NEMP1: variants seen among roughly 807,000 people sequenced by gnomAD.
NEMP1 encodes nuclear envelope integral membrane protein 1.
Under a neutral mutation model 53.7 loss-of-function variants are expected in NEMP1, and 29 were observed. The observed-to-expected ratio is 0.54, with a 90% CI of 0.40 to 0.74. The LOEUF (loss-of-function observed/expected upper bound fraction) is 0.74, where lower values mean the gene tolerates loss of function less well. NEMP1 is among the 30% of genes least tolerant of loss of function. The pLI, the probability that NEMP1 is intolerant of heterozygous loss-of-function variation, is 0.00. For synonymous variants in NEMP1, 193 were observed against 192.9 expected, an observed-to-expected ratio of 1.00 and a Z score of 0.00; for missense variants, 477 against 528.6, an observed-to-expected ratio of 0.90 and a Z score of 0.96.
intron 1 of NEMP1, among the ~76,000 whole-genome samples, chr12:57,086,832 T>C (rs895619027): frequency 5.9e-5 from 9 of 152,142 alleles, no homozygotes; most frequent in East Asian, 1.9e-4. Context: ...CAAGTGGATA[T>C]AAAGAAACAT....
chr12:57,069,978 C>T (rs1413349549), intron 3 of NEMP1, among the ~76,000 whole-genome samples: 1 of 151,910 alleles, frequency 6.6e-6, no homozygotes, highest in Admixed American at 6.6e-5. Context: ...AACCAAAGAA[C>T]CCTAGGACAA....
At chr12:57,075,650 C>A (rs1017217510) in intron 1 of NEMP1, among the ~76,000 whole-genome samples, 32 of 150,608 alleles carry the variant, frequency 2.1e-4, no homozygotes, top group African/African-American at 7.5e-4. Context: ...ATGATGAAAC[C>A]CCATCTCTAC....
intron 1 of NEMP1, among the ~76,000 whole-genome samples, chr12:57,074,074 T>A (rs575287533): frequency 4.6e-5 from 7 of 151,584 alleles, no homozygotes; most frequent in African/African-American, 1.7e-4. Flanking sequence ...GCTCAAACAA[T>A]CCTCCCACTT....
Position 57,070,725 on chromosome 12 carries a change from T to C in NEMP1, c.421A>G (p.Lys141Glu), listed in dbSNP as rs1163669378. 1.9e-6 allele frequency: 3 copies of C among 1,569,004 alleles called. No homozygotes were observed. The African/African-American group carries it at 4.1e-5, about 21-fold the overall frequency. The change falls in exon 3 of 9, where the codon AAA becomes GAA. Residue 141 changes from lysine (K) to glutamate (E), a missense_variant. Transcript: ENST00000300128. ...VGLYSTKTCL[K>E]VEIIEKDTKY... is the part of the protein sequence containing the mutation. Reference sequence around the variant, plus strand: ...GTGTCCTTCTCTATAATCTCAACTTTGAGGCAGGTTTTTGTGCTGTATAGA... The same window carrying C: ...GTGTCCTTCTCTATAATCTCAACTTCGAGGCAGGTTTTTGTGCTGTATAGA...
rs2031700168 is a variant in NEMP1 at position 57,059,669 on chromosome 12, G to A, written c.*210C>T. 1 of 489,122 alleles carries A rather than the reference G, an allele frequency of 2.0e-6. No homozygotes were observed. The highest frequency in any genetic ancestry group is 3.6e-6 in the Non-Finnish European group (1 of 274,320). The allele number at this position is 489,122 out of a possible 1,614,324, so 30.3% of individuals were successfully genotyped here. On this transcript the variant is annotated 3_prime_UTR_variant, in exon 9 of 9. Coordinates refer to ENST00000300128, the MANE Select transcript of NEMP1 (RefSeq NM_001130963.2). ...TAACCAATGGGAAGTGAACTACCCA[G>A]CATTCACTACTTTATCCACTCTCCT...
chr12:57,071,599 G>A (rs1233362457), intron 2 of NEMP1, among the ~76,000 whole-genome samples: 1 of 152,068 alleles, frequency 6.6e-6, no homozygotes, highest in African/African-American at 2.4e-5. Flanking sequence ...GGCTGGTCTC[G>A]AACTCCTGAC....
chr12:57,065,727 C>A (rs1443002674), intron 4 of NEMP1, among the ~76,000 whole-genome samples: 4 of 151,776 alleles, frequency 2.6e-5, no homozygotes, highest in African/African-American at 9.7e-5. Flanking sequence ...CTCGAACTCC[C>A]TGGGCTCAAG....
Position 57,070,696 on chromosome 12 carries a change from C to T in NEMP1, c.450G>A (p.Lys150=), listed in dbSNP as rs1384415393. The change falls in exon 3 of 9, where the codon AAG becomes AAA. Residue 150 remains lysine, a synonymous_variant. Transcript: ENST00000300128. ...TACTCCGGATCACAATGACACTGTA[C>T]TTGGTGTCCTTCTCTATAATCTCAA... ...LKVEIIEKDT[K]YSVIVIRRFD... 4.5e-6 allele frequency: 7 copies of T among 1,554,434 alleles called. No individual in the cohort carries two copies. The highest frequency in any genetic ancestry group is 1.4e-5 in the African/African-American group (1 of 73,070).
Position 57,056,383 on chromosome 12 carries a change from A to T in NEMP1, c.*3496T>A, listed in dbSNP as rs1012310456. On this transcript the variant is annotated 3_prime_UTR_variant, in exon 9 of 9. Transcript: ENST00000300128. ...ATGTAGAAAAAGAAACAAAAGGTTT[A>T]GGTGCCTTTGCCTTGTGCAATGGAT... The T allele has an allele frequency of 6.6e-6, 1 of 152,246 alleles. No individual in the cohort carries two copies. Among genetic ancestry groups the T allele is most frequent in the African/African-American group, 2.4e-5 (1 of 41,472 alleles). 9.4% of individuals were successfully genotyped at this position (152,246 alleles called of 1,614,324 possible).
rs377765100 is a variant in NEMP1, at chr12:57,060,840, G to C, written c.1086C>G (p.Leu362=). 20 of 1,614,104 alleles carry C rather than the reference G, an allele frequency of 1.2e-5. No individual in the cohort carries two copies. The African/African-American group carries it at 2.7e-4, about 22-fold the overall frequency. The change falls in exon 8 of 9, where the codon CTC becomes CTG. Residue 362 remains leucine (L), a synonymous_variant. Transcript: ENST00000300128. ...EVETRKALEE[L]REFCNSPDCS... is the part of the protein sequence containing the mutation. ...AGTCTGGACTGTTACAAAATTCTCGGAGCTCCTCTAAAGCCTTTCGGGTTT... is the reference window on the plus strand; with the variant it reads ...AGTCTGGACTGTTACAAAATTCTCGCAGCTCCTCTAAAGCCTTTCGGGTTT...
intron 1 of NEMP1, among the ~76,000 whole-genome samples, chr12:57,087,400 A>C (rs1289378747): frequency 6.7e-6 from 1 of 149,688 alleles, no homozygotes; most frequent in Non-Finnish European, 1.5e-5. Flanking sequence ...GGCACGTGGA[A>C]ACCCGGGGCC....
intron 1 of NEMP1, among the ~76,000 whole-genome samples, chr12:57,087,784 G>T (rs1347813352): frequency 3.3e-5 from 5 of 152,242 alleles, no homozygotes; most frequent in African/African-American, 1.2e-4. Context: ...GCGGGGCGGG[G>T]CTGAGATTCC....
In NEMP1 at chr12:57,069,230, C is replaced by T. The variant is rs1231601129; in HGVS notation, c.545+4G>A. 1.3e-6 allele frequency: 2 copies of T among 1,542,548 alleles called. No individual in the cohort carries two copies. Among genetic ancestry groups the T allele is most frequent in the Non-Finnish European group, 1.7e-6 (2 of 1,143,764 alleles). On this transcript the variant is annotated splice_donor_region_variant and intron_variant, in intron 4 of 8. Coordinates refer to ENST00000300128, the MANE Select transcript of NEMP1 (RefSeq NM_001130963.2). ...TCATTCTGCACACTAGCCTTGGAAC[C>T]TACCTGCTCAGCAAGTCTCCACAAA...
At chr12:57,080,515 G>A (rs1200797566), upstream of NEMP1, among the ~76,000 whole-genome samples, 5 of 151,108 alleles carry the variant, frequency 3.3e-5, no homozygotes, top group African/African-American at 7.3e-5. Context: ...GGAGGCGGAG[G>A]CTGCAGTGAG....
Position 57,059,774 on chromosome 12 carries a change from C to T in NEMP1, c.*105G>A, listed in dbSNP as rs1421183440. On this transcript the variant is annotated 3_prime_UTR_variant, in exon 9 of 9. Coordinates refer to ENST00000300128, the MANE Select transcript of NEMP1 (RefSeq NM_001130963.2). ...TCTTATTTCAGTAGGAGAATTTCTA[C>T]CCTATCTATCTCACTCTGTTTCAAA... 5 of 1,038,222 alleles carry T rather than the reference C, an allele frequency of 4.8e-6. 1 individual carries two copies. The Admixed American group carries it at 1.1e-4, about 23-fold the overall frequency. 64.3% of individuals were successfully genotyped at this position (1,038,222 alleles called of 1,614,324 possible).
chr12:57,062,090 A>C (rs544542816), intron 7 of NEMP1, among the ~76,000 whole-genome samples: 1 of 152,230 alleles, frequency 6.6e-6, no homozygotes, highest in Non-Finnish European at 1.5e-5. Context: ...ACCTAGTAAC[A>C]TTCCATATTT....
rs36162399 is a variant in NEMP1, at chr12:57,075,390, TATAAATAA to T, written c.128-2486_128-2479del. Among the ~76,000 whole-genome samples the T allele has an allele frequency of 6.1e-3, 835 of 135,886 alleles. 8 individuals carry two copies. The highest frequency in any genetic ancestry group is 0.017 in the African/African-American group (605 of 36,354). 89.1% of individuals were successfully genotyped at this position (135,886 alleles called of 152,430 possible). On this transcript the variant is annotated intron_variant, in intron 1 of 8. Coordinates refer to ENST00000300128, the MANE Select transcript of NEMP1 (RefSeq NM_001130963.2). ...GCGACAGAGCAAGACTCCATTTCAA[TATAAATAA>T]ATAAATAAATAAATAAATAAATAAA...
intron 4 of NEMP1, among the ~76,000 whole-genome samples, chr12:57,066,068 C>G (rs2032058693): frequency 6.6e-6 from 1 of 151,962 alleles, no homozygotes; most frequent in Non-Finnish European, 1.5e-5. Context: ...TCCTGGTTAA[C>G]ACGGTGAAAC....
chr12:57,072,736 A>G, intron 2 of NEMP1, 52 bp downstream of exon 2: 1 of 1,549,472 alleles, frequency 6.5e-7, no homozygotes, highest in Non-Finnish European at 8.7e-7. Context: ...CTCACTAATC[A>G]CCAACAGAAA....
Sources: allele counts gnomAD v4.1 joint callset (sites outside exome capture counted in the v4.1 genomes callset), GRCh38; gene constraint gnomAD v4.1.1; transcripts MANE v1.5; gene names NCBI Gene and HGNC (gene_info 2026-07-23, HGNC 2026-07-21).